The following TERF1 variants were observed in gnomAD, a reference collection of about 807,000 sequenced individuals.
TERF1 encodes the protein telomeric repeat-binding factor 1.
In TERF1, 20 loss-of-function variants were observed where a neutral mutation model predicts 55.1. That is an observed-to-expected ratio of 0.36 (90% CI 0.26 to 0.53). TERF1 has a LOEUF of 0.53. TERF1 is among the 20% of genes least tolerant of loss of function. TERF1 has a pLI of 0.91. For missense variants in TERF1, 439 were observed against 535.7 expected (o/e 0.82, Z 1.78); for synonymous variants, 168 against 181.2 (o/e 0.93, Z 0.59).
rs562532189 is a variant in TERF1, at chr8:73,023,634, C to T, written c.625-1188C>T. On this transcript the variant is annotated intron_variant, in intron 4 of 9. Transcript: ENST00000276603. ...TACTGAAAATTCTACTCTGCTTATA[C>T]CTCCCAGAAGAGGAAAACTTAATGG... 2.0e-5 allele frequency among the ~76,000 whole-genome samples: 3 copies of T among 152,238 alleles called. No homozygotes were observed. The South Asian group carries it at 6.2e-4, about 32-fold the overall frequency.
chr8:73,013,247 C>T (rs1808352467), intron 1 of TERF1, among the ~76,000 whole-genome samples: 1 of 152,168 alleles, frequency 6.6e-6, no homozygotes. Context: ...CCTTCCCTGA[C>T]ACCTCCTCTG....
At chr8:73,013,706 T>C in intron 1 of TERF1, 189 bp from the exon 2 acceptor site, 1 of 556,354 alleles carries the variant, frequency 1.8e-6, no homozygotes. Flanking sequence ...GTGAAAGTTA[T>C]ATTTTGTAAG....
intron 2 of TERF1, chr8:73,018,835 A>T (rs1357163253): frequency 6.6e-6 from 1 of 152,158 alleles, no homozygotes; most frequent in Non-Finnish European, 1.5e-5. Flanking sequence ...TGCATTATAG[A>T]GTAAGAAGTT....
In TERF1 at chr8:73,008,943, G is replaced by C. The variant is rs1285455128; in HGVS notation, c.57G>C (p.Arg19Ser). ...GCCCGCGGGGCTGTGCGGATGGTAG[G>C]GATGCCGACCCTACTGAGGAGCAGA... ...APSPRGCADG[R>S]DADPTEEQMA... The change falls in exon 1 of 10, where the codon AGG (arginine) becomes AGC (serine). Residue 19 changes from arginine to serine, a missense_variant. By Grantham distance (110) the Arg-to-Ser change is moderately radical. Transcript: ENST00000276603. 1 of 1,612,900 alleles carries C rather than the reference G, an allele frequency of 6.2e-7. No individual in the cohort carries two copies. Among genetic ancestry groups the C allele is most frequent in the East Asian group, 2.2e-5 (1 of 44,878 alleles).
chr8:73,023,563 T>C (rs1808859865), intron 4 of TERF1, among the ~76,000 whole-genome samples: 1 of 152,174 alleles, frequency 6.6e-6, no homozygotes, highest in Non-Finnish European at 1.5e-5. Context: ...CTGATATGTC[T>C]GTTGGGTTTT....
At chr8:73,013,429 A>T (rs1414592049) in intron 1 of TERF1, among the ~76,000 whole-genome samples, 2 of 152,340 alleles carry the variant, frequency 1.3e-5, no homozygotes, top group East Asian at 3.9e-4. Context: ...TTGGTATTGT[A>T]TGTAATCACT....
chr8:73,019,820 A>G (rs1808674342), intron 2 of TERF1, among the ~76,000 whole-genome samples: 1 of 152,132 alleles, frequency 6.6e-6, no homozygotes, highest in East Asian at 1.9e-4. Flanking sequence ...TCTCAGCTCC[A>G]CTGTCACTTC....
At chr8:73,012,653 C>T (rs142839768) in intron 1 of TERF1, 3,804 of 228,914 alleles carry the variant, frequency 0.017, 63 homozygotes, top group Middle Eastern at 0.033. Context: ...GCCTGGGCGA[C>T]AGAGCGTGAC....
At chr8:73,031,664 A>G in intron 7 of TERF1, 1 of 154,848 alleles carries the variant, frequency 6.5e-6, no homozygotes, top group East Asian at 1.9e-4. Flanking sequence ...GGAATTTTGG[A>G]ATCCGTCTTT....
chr8:73,018,133 C>T (rs1331707805), intron 2 of TERF1, among the ~76,000 whole-genome samples: 1 of 152,166 alleles, frequency 6.6e-6, no homozygotes, highest in African/African-American at 2.4e-5. Flanking sequence ...ATGTCTTCTT[C>T]CATAGCTAGG....
chr8:73,009,130 C>T lies in TERF1; in HGVS notation c.244C>T (p.Leu82Phe). The T allele has an allele frequency of 1.2e-6, 2 of 1,611,192 alleles. No homozygotes were observed. The highest frequency in any genetic ancestry group is 1.7e-6 in the Non-Finnish European group (2 of 1,179,752). Residue 82 changes from leucine to phenylalanine, a missense_variant, in exon 1 of 10, where the codon CTC becomes TTC. Around this residue, in one of 4 missense-constraint regions of TERF1, gnomAD observed 179 missense variants for 152.6 expected, o/e 1.17. Coordinates refer to ENST00000276603, the MANE Select transcript of TERF1 (RefSeq NM_017489.3). ...GGCTGCCGGCTGGATGCTCGATTTC[C>T]TCTGCCTCTCTCTTTGCCGAGCTTT... Reference protein sequence around the residue: ...AVAAGWMLDFLCLSLCRAFRD... With the variant: ...AVAAGWMLDFFCLSLCRAFRD...
At chr8:73,018,633 G>A (rs901972577) in intron 2 of TERF1, among the ~76,000 whole-genome samples, 6 of 152,140 alleles carry the variant, frequency 3.9e-5, no homozygotes, top group South Asian at 2.1e-4. Context: ...CCGAGATCGC[G>A]TCACTTCACT....
chr8:73,021,146 T>TA (rs1323216151), intron 3 of TERF1, among the ~76,000 whole-genome samples: 4 of 152,154 alleles, frequency 2.6e-5, no homozygotes, highest in Non-Finnish European at 5.9e-5. Flanking sequence ...TTTAACCAAG[T>TA]AGGGAGAATT....
chr8:73,021,831 G>A (rs1182680075), intron 3 of TERF1, among the ~76,000 whole-genome samples: 1 of 152,154 alleles, frequency 6.6e-6, no homozygotes, highest in Non-Finnish European at 1.5e-5. Flanking sequence ...CAAATTTTAT[G>A]TATCCTAATC....
At chr8:73,017,883 A>T (rs571402093) in intron 2 of TERF1, among the ~76,000 whole-genome samples, 29 of 152,092 alleles carry the variant, frequency 1.9e-4, no homozygotes, top group Non-Finnish European at 3.5e-4. Flanking sequence ...TTCTATTATT[A>T]GTAGAGACAG....
At chr8:73,043,681 A>G (rs922510436) in intron 9 of TERF1, among the ~76,000 whole-genome samples, 1 of 152,134 alleles carries the variant, frequency 6.6e-6, no homozygotes, top group African/African-American at 2.4e-5. Flanking sequence ...CTGCTTAAAC[A>G]TACTGCACCC....
chr8:73,017,868 A>G (rs1808583953), intron 2 of TERF1, among the ~76,000 whole-genome samples: 1 of 151,978 alleles, frequency 6.6e-6, no homozygotes, highest in African/African-American at 2.4e-5. Context: ...ATGCCTGACT[A>G]ATTTTTCTAT....
At chr8:73,030,253 T>TA (rs1168601877) in intron 6 of TERF1, 83 bp from the exon 7 acceptor site, 5 of 835,046 alleles carry the variant, frequency 6.0e-6, no homozygotes, top group African/African-American at 1.8e-5. Context: ...TAAATTGAAA[T>TA]ATGCCTTGAC....
chr8:73,037,184 A>AAT (rs869198259), intron 8 of TERF1, among the ~76,000 whole-genome samples: 1 of 25,382 alleles, frequency 3.9e-5, no homozygotes, highest in Non-Finnish European at 1.6e-4. Flanking sequence ...TATATAATAT[A>AAT]ATAATATATA....
Sources: allele counts gnomAD v4.1 joint callset (sites outside exome capture counted in the v4.1 genomes callset), GRCh38; gene constraint gnomAD v4.1.1; regional missense constraint gnomAD v4.1.1; transcripts MANE v1.5; gene names NCBI Gene and HGNC (gene_info 2026-07-23, HGNC 2026-07-21).